Variants in SLC1A6 observed in about 807,000 individuals in gnomAD.
SLC1A6 encodes the protein excitatory amino acid transporter 4.
SLC1A6 carries 15 observed loss-of-function variants against 42.1 expected under a neutral mutation model. The observed-to-expected ratio is 0.36, with a 90% CI of 0.24 to 0.55. SLC1A6 has a LOEUF of 0.55. Among genes scored for constraint, SLC1A6 ranks in the 20% least tolerant of loss-of-function variants. The pLI is 0.88. For synonymous variants in SLC1A6, 317 were observed against 319.7 expected, an observed-to-expected ratio of 0.99 and a Z score of 0.09; for missense variants, 542 against 772.5, an observed-to-expected ratio of 0.70 and a Z score of 3.54.
intron 6 of SLC1A6, among the ~76,000 whole-genome samples, chr19:14,957,036 T>C (rs180989970): frequency 6.6e-6 from 1 of 152,306 alleles, no homozygotes; most frequent in Non-Finnish European, 1.5e-5. Context: ...AAATAATCAC[T>C]ACCTTCAGTT....
chr19:14,974,475 A>G (rs1463673037), intron 1 of SLC1A6: 1 of 152,148 alleles, frequency 6.6e-6, no homozygotes, highest in African/African-American at 2.4e-5. Flanking sequence ...TAAAATGCAT[A>G]TAAAAATTAA....
upstream of SLC1A6, among the ~76,000 whole-genome samples, chr19:14,981,495 C>T (rs1043180192): frequency 9.9e-5 from 15 of 152,234 alleles, no homozygotes; most frequent in Admixed American, 6.5e-4. Flanking sequence ...CTTCTCACTC[C>T]GCTGCTTCAG....
At chr19:14,962,412 C>T (rs1275838552) in intron 5 of SLC1A6, 67 bp from the exon 6 acceptor site, 4 of 1,156,518 alleles carry the variant, frequency 3.5e-6, no homozygotes, top group Non-Finnish European at 5.0e-6. Flanking sequence ...TGGAGAAATT[C>T]CTTGAGACCA....
At chr19:14,957,819 C>T (rs2045475792) in intron 6 of SLC1A6, among the ~76,000 whole-genome samples, 1 of 152,168 alleles carries the variant, frequency 6.6e-6, no homozygotes, top group African/African-American at 2.4e-5. Context: ...GAAGAGGTGA[C>T]ATTTAAGCTG....
chr19:14,986,157 A>T (rs535603965), intron 1 of SLC1A6, among the ~76,000 whole-genome samples: 1 of 151,246 alleles, frequency 6.6e-6, no homozygotes, highest in African/African-American at 2.4e-5. Context: ...GTGTAGAAAA[A>T]TTTTTTATCC....
intron 6 of SLC1A6, among the ~76,000 whole-genome samples, chr19:14,958,096 G>A (rs1433495293): frequency 6.6e-6 from 1 of 152,134 alleles, no homozygotes. Flanking sequence ...GGCTTCAATG[G>A]CTACTCCTCT....
chr19:15,009,269 T>TCTAA (rs2045912963), intron 1 of SLC1A6, among the ~76,000 whole-genome samples: 71 of 75,192 alleles, frequency 9.4e-4, no homozygotes, highest in African/African-American at 4.0e-3. Context: ...TAGATATCTA[T>TCTAA]ATATCTATAA....
intron 1 of SLC1A6, among the ~76,000 whole-genome samples, chr19:14,987,479 AT>A (rs375243710): frequency 1.0e-3 from 153 of 151,214 alleles, no homozygotes; most frequent in Middle Eastern, 6.8e-3. Context: ...GAAAAAAAAA[AT>A]TTTTTTTAAT....
intron 1 of SLC1A6, among the ~76,000 whole-genome samples, chr19:15,006,889 G>C (rs755911770): frequency 3.9e-5 from 6 of 152,164 alleles, no homozygotes; most frequent in Non-Finnish European, 8.8e-5. Flanking sequence ...GGAGGTTGAG[G>C]CTGCAGTGAG....
intron 1 of SLC1A6, among the ~76,000 whole-genome samples, chr19:15,008,357 G>T (rs1022506913): frequency 2.6e-5 from 4 of 151,772 alleles, no homozygotes; most frequent in African/African-American, 7.3e-5. Context: ...TAGAAAAAGA[G>T]AGATATATAT....
chr19:15,009,878 C>T (rs1444659573), intron 1 of SLC1A6, among the ~76,000 whole-genome samples: 2 of 151,906 alleles, frequency 1.3e-5, no homozygotes, highest in Non-Finnish European at 2.9e-5. Flanking sequence ...TATGAAGACA[C>T]GAAAGAAAAT....
intron 1 of SLC1A6, among the ~76,000 whole-genome samples, chr19:15,008,604 A>G (rs1206626717): frequency 1.3e-5 from 2 of 152,124 alleles, no homozygotes; most frequent in African/African-American, 4.8e-5. Context: ...AGACATCCAC[A>G]CTTACATGTT....
At chr19:15,005,266 A>G (rs1228974808) in intron 1 of SLC1A6, among the ~76,000 whole-genome samples, 2 of 151,778 alleles carry the variant, frequency 1.3e-5, no homozygotes, top group Non-Finnish European at 2.9e-5. Context: ...TCTCAAAAAA[A>G]AAAAAAAAAA....
In SLC1A6 at chr19:14,952,929, G is replaced by A; in HGVS notation, c.1498C>T (p.Leu500Phe). ...ITLIIAVDWF[L>F]DRLRTMTNVL... ...GGGTCCAGCCTAGAGAACACTCACAGGAACCAGTCCACGGCAATGATGAGC... is the reference window on the plus strand; with the variant it reads ...GGGTCCAGCCTAGAGAACACTCACAAGAACCAGTCCACGGCAATGATGAGC... The change falls in exon 9 of 10, where the codon CTT becomes TTT. Residue 500 changes from leucine (L) to phenylalanine (F), a missense_variant and splice_region_variant. Around this residue, in one of 6 missense-constraint regions of SLC1A6, gnomAD observed 54 missense variants for 125.1 expected, o/e 0.43. Coordinates refer to ENST00000594383, the MANE Select transcript of SLC1A6 (RefSeq NM_005071.3). 6.2e-7 allele frequency: 1 copy of A among 1,613,618 alleles called. No individual in the cohort carries two copies. The highest frequency in any genetic ancestry group is 8.5e-7 in the Non-Finnish European group (1 of 1,179,742).
intron 1 of SLC1A6, among the ~76,000 whole-genome samples, chr19:15,008,519 A>G (rs184648516): frequency 1.3e-5 from 2 of 152,316 alleles, no homozygotes; most frequent in Admixed American, 1.3e-4. Context: ...AAGAACTAAA[A>G]ATAGAACTGC....
At chr19:15,000,693 A>G (rs1434253127) in intron 1 of SLC1A6, among the ~76,000 whole-genome samples, 2 of 152,198 alleles carry the variant, frequency 1.3e-5, no homozygotes, top group East Asian at 1.9e-4. Flanking sequence ...TCCTTGACAT[A>G]CTGATGCCAT....
At chr19:14,987,366 C>G (rs1015460214) in intron 1 of SLC1A6, among the ~76,000 whole-genome samples, 2 of 151,848 alleles carry the variant, frequency 1.3e-5, no homozygotes, top group South Asian at 4.2e-4. Flanking sequence ...ACTCGGGAGG[C>G]TGAGGCAGAA....
At chr19:14,999,439 G>C (rs1039146720) in intron 1 of SLC1A6, among the ~76,000 whole-genome samples, 1 of 152,146 alleles carries the variant, frequency 6.6e-6, no homozygotes, top group Non-Finnish European at 1.5e-5. Flanking sequence ...AACATGTATT[G>C]ACTGATGTCT....
chr19:14,996,597 C>CTTCTTCTTCTTCTTCTT (rs1555710452), intron 1 of SLC1A6, among the ~76,000 whole-genome samples: 1 of 149,954 alleles, frequency 6.7e-6, no homozygotes, highest in Non-Finnish European at 1.5e-5. Context: ...TCTCATTGTA[C>CTTCTTCTTCTTCTTCTT]CTTAAGCCGT....
Sources: gnomAD v4.1 joint callset for allele counts (sites outside exome capture counted in the v4.1 genomes callset) on GRCh38, gnomAD v4.1.1 for gene constraint, gnomAD v4.1.1 regional missense constraint, MANE v1.5 for transcripts, NCBI Gene and HGNC (gene_info 2026-07-23, HGNC 2026-07-21) for gene names.